Variants in RIMS2 observed in about 807,000 individuals in gnomAD.
RIMS2 encodes the protein regulating synaptic membrane exocytosis protein 2.
A neutral mutation model predicts 174.4 loss-of-function variants in RIMS2; 59 were observed. That is an observed-to-expected ratio of 0.34 (90% confidence interval 0.27 to 0.42). The LOEUF (loss-of-function observed/expected upper bound fraction) is 0.42. Ranked by LOEUF, RIMS2 falls within the 10% of genes least tolerant of loss-of-function variation. RIMS2 has a pLI of 1.00. For synonymous variants in RIMS2, 606 were observed against 572.5 expected (o/e 1.06, Z -0.84); for missense variants, 1,620 against 1,666.3 (o/e 0.97, Z 0.48).
At chr8:104,029,573 C>A (rs2096341399) in intron 19 of RIMS2, among the ~76,000 whole-genome samples, 2 of 152,090 alleles carry the variant, frequency 1.3e-5, no homozygotes, top group South Asian at 4.1e-4. Flanking sequence ...TTTCTGTTAC[C>A]AGCATATGTT....
chr8:103,845,639 A>C (rs928106524), intron 3 of RIMS2, among the ~76,000 whole-genome samples: 1 of 152,078 alleles, frequency 6.6e-6, no homozygotes, highest in East Asian at 1.9e-4. Flanking sequence ...TAATTTTTTT[A>C]TAGCTGGATA....
chr8:103,982,280 A>AG (rs1367492159), intron 16 of RIMS2, among the ~76,000 whole-genome samples: 5 of 152,140 alleles, frequency 3.3e-5, no homozygotes, highest in Non-Finnish European at 5.9e-5. Flanking sequence ...GAAAAGCCTG[A>AG]ACCCAATGGC....
chr8:103,511,140 TA>T (rs1217566969), intron 1 of RIMS2, among the ~76,000 whole-genome samples: 1 of 152,200 alleles, frequency 6.6e-6, no homozygotes, highest in Non-Finnish European at 1.5e-5. Context: ...CCTCCAGAGT[TA>T]AAATGTTTGT....
intron 1 of RIMS2, among the ~76,000 whole-genome samples, chr8:103,640,407 T>C (rs2096203206): frequency 6.6e-6 from 1 of 151,936 alleles, no homozygotes. Context: ...TTATTATTTA[T>C]TTTTCTCTGC....
At chr8:103,938,924 A>T (rs1041458627) in intron 13 of RIMS2, among the ~76,000 whole-genome samples, 4 of 152,220 alleles carry the variant, frequency 2.6e-5, no homozygotes, top group African/African-American at 7.2e-5. Context: ...ACGCTGATGC[A>T]AGAGGTGGGT....
intron 3 of RIMS2, among the ~76,000 whole-genome samples, chr8:103,839,187 A>G (rs914179795): frequency 2.0e-5 from 3 of 152,188 alleles, no homozygotes; most frequent in South Asian, 2.1e-4. Context: ...GCTAGTTGCA[A>G]CATTCTGGTC....
chr8:103,768,588 A>G (rs1473872188), intron 3 of RIMS2: 9 of 1,454,202 alleles, frequency 6.2e-6, no homozygotes, highest in Admixed American at 1.7e-5. Flanking sequence ...TGCATTGTGG[A>G]TGCCAATCGG....
At position 103,900,949 on chromosome 8, in the gene RIMS2, T is replaced by C. The variant is rs1307125308; in HGVS notation, c.1625-9185T>C. Among the ~76,000 whole-genome samples, 3 of 152,110 alleles carry C rather than the reference T, an allele frequency of 2.0e-5. No individual in the cohort carries two copies. In the East Asian group the frequency reaches 5.8e-4, roughly 29 times the overall value. On this transcript the variant is annotated intron_variant, in intron 4 of 23. Transcript: ENST00000504942. ...TTATATAGATTGGGCATATCTTCAT[T>C]AGTTGCGCATCTGTCTTGCCCCCAG... is the stretch of plus-strand genomic sequence containing the variant.
chr8:103,922,031 G>T (rs1021862903), intron 10 of RIMS2: 50 of 245,464 alleles, frequency 2.0e-4, no homozygotes, highest in African/African-American at 1.1e-3. Flanking sequence ...ACTTTTTTAT[G>T]TTAGTAATTA....
At chr8:103,510,576 G>C (rs763010276) in intron 1 of RIMS2, among the ~76,000 whole-genome samples, 3 of 152,082 alleles carry the variant, frequency 2.0e-5, no homozygotes, top group Non-Finnish European at 4.4e-5. Flanking sequence ...GCTGAGGGCT[G>C]TTCTTACCTC....
intron 19 of RIMS2, among the ~76,000 whole-genome samples, chr8:104,130,324 G>A (rs2098464493): frequency 2.6e-5 from 4 of 152,206 alleles, no homozygotes. Context: ...GAGCAGTCCT[G>A]CTGCATAACC....
chr8:103,575,683 C>CAT lies in RIMS2; in HGVS notation c.176+74622_176+74623insTA, dbSNP rs371156171. ...ATAAACACACACATACACACACACA[C>CAT]ACATATATATATATATACACATACA... On this transcript the variant is annotated intron_variant, in intron 1 of 23. Coordinates refer to ENST00000504942, the Ensembl canonical transcript of RIMS2. 2.2e-3 allele frequency among the ~76,000 whole-genome samples: 325 copies of CAT among 145,816 alleles called. 1 individual carries two copies. Among genetic ancestry groups the CAT allele is most frequent in the African/African-American group, 4.4e-3 (177 of 39,942 alleles).
At chr8:103,863,765 T>C (rs1003137056) in intron 3 of RIMS2, among the ~76,000 whole-genome samples, 6 of 152,154 alleles carry the variant, frequency 3.9e-5, no homozygotes, top group African/African-American at 1.2e-4. Context: ...TCTGTTTCTT[T>C]AGTATCAGTT....
chr8:104,081,952 GT>G, intron 19 of RIMS2, among the ~76,000 whole-genome samples: 1 of 151,964 alleles, frequency 6.6e-6, no homozygotes, highest in Non-Finnish European at 1.5e-5. Context: ...TTCCTTCTCT[GT>G]TTTTTAAGGC....
chr8:103,964,962 A>G (rs1030676381), intron 15 of RIMS2, among the ~76,000 whole-genome samples: 1 of 152,152 alleles, frequency 6.6e-6, no homozygotes, highest in African/African-American at 2.4e-5. Flanking sequence ...GATCAGTTCA[A>G]TATATGTATA....
At chr8:104,005,756 C>T (rs1043513778) in intron 17 of RIMS2, among the ~76,000 whole-genome samples, 2 of 152,028 alleles carry the variant, frequency 1.3e-5, no homozygotes, top group Admixed American at 1.3e-4. Context: ...ACAGGTTTGA[C>T]CTGTGTCCAG....
At chr8:104,014,567 A>C (rs917509166) in exon 19 of RIMS2, 2 of 1,613,136 alleles carry the variant, frequency 1.2e-6, no homozygotes, top group Non-Finnish European at 1.7e-6. Context: ...CGCAGGACGA[A>C]GGGGCCGACA....
chr8:103,734,390 T>G (rs996438906), intron 2 of RIMS2, among the ~76,000 whole-genome samples: 29 of 151,150 alleles, frequency 1.9e-4, no homozygotes, highest in Admixed American at 1.7e-3. Flanking sequence ...CTTTTGTACA[T>G]CTGAAAATGT....
chr8:104,014,670 A>C (rs2095853951), intron 19 of RIMS2, 55 bp downstream of exon 21: 1 of 1,077,788 alleles, frequency 9.3e-7, no homozygotes, highest in East Asian at 2.4e-5. Flanking sequence ...AGCTAAGGTG[A>C]ATCAAGATTT....
Sources: gnomAD v4.1 joint callset for allele counts (sites outside exome capture counted in the v4.1 genomes callset) on GRCh38, gnomAD v4.1.1 for gene constraint, MANE v1.5 for transcripts, NCBI Gene and HGNC (gene_info 2026-07-23, HGNC 2026-07-21) for gene names.